SETBP1: variants seen among roughly 807,000 people sequenced by gnomAD.
SETBP1 encodes SET-binding protein.
A neutral mutation model predicts 101.0 loss-of-function variants in SETBP1; 9 were observed. The observed-to-expected ratio is 0.09, with a 90% confidence interval of 0.05 to 0.16. The LOEUF is 0.16. SETBP1 is among the 10% of genes least tolerant of loss of function. The pLI, the probability that SETBP1 is intolerant of heterozygous loss-of-function variation, is 1.00. For synonymous variants in SETBP1, 818 were observed against 788.5 expected (o/e 1.04, Z -0.63); for missense variants, 1,858 against 2,033.8 (o/e 0.91, Z 1.66).
intron 2 of SETBP1, among the ~76,000 whole-genome samples, chr18:44,846,273 G>A (rs1458939289): frequency 6.6e-6 from 1 of 152,156 alleles, no homozygotes; most frequent in Non-Finnish European, 1.5e-5. Flanking sequence ...CTTTTCTTGA[G>A]ATATAATTCA....
At chr18:44,711,315 A>G (rs2069335911) in intron 2 of SETBP1, among the ~76,000 whole-genome samples, 1 of 131,174 alleles carries the variant, frequency 7.6e-6, no homozygotes, top group African/African-American at 3.0e-5. Flanking sequence ...CTGTGGGTAA[A>G]CTCCAGCACT....
At chr18:45,002,499 T>C (rs925649300) in intron 4 of SETBP1, among the ~76,000 whole-genome samples, 9 of 152,158 alleles carry the variant, frequency 5.9e-5, no homozygotes, top group Admixed American at 1.3e-4. Flanking sequence ...GTATTAATGG[T>C]GGCCAGGAAT....
Position 44,950,581 on chromosome 18 carries a change from C to A in SETBP1, c.1241C>A (p.Thr414Asn). The A allele has an allele frequency of 6.2e-7, 1 of 1,614,006 alleles. No individual in the cohort carries two copies. Among genetic ancestry groups the A allele is most frequent in the Non-Finnish European group, 8.5e-7 (1 of 1,180,030 alleles). The change falls in exon 4 of 6, where the codon ACC (threonine) becomes AAC (asparagine). Residue 414 changes from threonine to asparagine, a missense_variant. Around this residue, in one of 12 missense-constraint regions of SETBP1, gnomAD observed 581 missense variants for 535.1 expected, o/e 1.09. Coordinates refer to ENST00000649279, the MANE Select transcript of SETBP1 (RefSeq NM_015559.3). ...IPIKAPSLDPTNHKRKKRQSI... is the reference protein window; with the variant it reads ...IPIKAPSLDPNNHKRKKRQSI... ...ATCAAGGCACCCTCTCTGGATCCAA[C>A]CAACCATAAGAGGAAAAAAAGACAG... is the stretch of plus-strand genomic sequence containing the variant.
intron 2 of SETBP1, among the ~76,000 whole-genome samples, chr18:44,783,754 A>G: frequency 6.6e-6 from 1 of 152,208 alleles, no homozygotes; most frequent in East Asian, 1.9e-4. Flanking sequence ...GCAGAACATG[A>G]GGCCTGGAGA....
chr18:44,894,016 G>C (rs1237819842), intron 3 of SETBP1, among the ~76,000 whole-genome samples: 2 of 152,136 alleles, frequency 1.3e-5, no homozygotes, highest in Non-Finnish European at 2.9e-5. Context: ...TCTGCAGCCA[G>C]TAAGAGCACA....
chr18:45,039,303 A>G (rs1162225341), intron 5 of SETBP1, among the ~76,000 whole-genome samples: 1 of 151,876 alleles, frequency 6.6e-6, no homozygotes, highest in East Asian at 1.9e-4. Flanking sequence ...GGTCCTTTCC[A>G]CCTCTGTTCC....
intron 2 of SETBP1, among the ~76,000 whole-genome samples, chr18:44,771,824 G>A (rs1433996863): frequency 6.6e-6 from 1 of 152,218 alleles, no homozygotes; most frequent in East Asian, 1.9e-4. Flanking sequence ...GGCTGGCTGG[G>A]AAGGGAATGG....
At chr18:44,994,633 C>A (rs570499701) in intron 4 of SETBP1, among the ~76,000 whole-genome samples, 141 of 152,258 alleles carry the variant, frequency 9.3e-4, no homozygotes, top group Non-Finnish European at 1.8e-3. Flanking sequence ...ACACTGGACA[C>A]AACTTGGTTG....
chr18:44,946,643 G>A (rs2071214004), intron 3 of SETBP1, among the ~76,000 whole-genome samples: 1 of 152,176 alleles, frequency 6.6e-6, no homozygotes, highest in Non-Finnish European at 1.5e-5. Flanking sequence ...TGTCTTTTGT[G>A]TGCAGCTGTA....
Position 44,951,473 on chromosome 18 carries a change from G to A in SETBP1, c.2133G>A (p.Lys711=). Reference sequence around the variant, plus strand: ...CAGCCATTGAAAGCAAACTGGGCAAGCAGATTAATGTCAGCAAGAGGGGAA... The same window carrying A: ...CAGCCATTGAAAGCAAACTGGGCAAACAGATTAATGTCAGCAAGAGGGGAA... ...GAAAIESKLG[K]QINVSKRGTI... The change falls in exon 4 of 6, where the codon AAG becomes AAA. Residue 711 remains lysine (K), a synonymous_variant. Coordinates refer to ENST00000649279, the MANE Select transcript of SETBP1 (RefSeq NM_015559.3). The surrounding 1 kb of genome is among the most constrained non-coding windows in gnomAD (Gnocchi z 7.8). 1 of 1,614,158 alleles carries A rather than the reference G, an allele frequency of 6.2e-7. No homozygotes were observed. The highest frequency in any genetic ancestry group is 8.5e-7 in the Non-Finnish European group (1 of 1,180,030).
At chr18:44,733,923 G>A (rs2069899102) in intron 2 of SETBP1, among the ~76,000 whole-genome samples, 1 of 152,142 alleles carries the variant, frequency 6.6e-6, no homozygotes, top group Non-Finnish European at 1.5e-5. Flanking sequence ...CCACAGATGT[G>A]TGGCTGAGAC....
intron 3 of SETBP1, among the ~76,000 whole-genome samples, chr18:44,949,633 T>G (rs2071288311): frequency 6.6e-6 from 1 of 152,214 alleles, no homozygotes; most frequent in Non-Finnish European, 1.5e-5. Context: ...TTCCTGTTAT[T>G]TAGGGATAAA....
intron 4 of SETBP1, among the ~76,000 whole-genome samples, chr18:44,996,195 G>C (rs778962627): frequency 2.4e-4 from 36 of 152,262 alleles, no homozygotes; most frequent in Non-Finnish European, 4.0e-4. Flanking sequence ...AGGCTGCAGA[G>C]AATACATGTT....
At chr18:44,823,103 G>C (rs1192234735) in intron 2 of SETBP1, among the ~76,000 whole-genome samples, 1 of 152,164 alleles carries the variant, frequency 6.6e-6, no homozygotes, top group African/African-American at 2.4e-5. Context: ...TGCACTCCAG[G>C]CTAGGCGATA....
intron 2 of SETBP1, among the ~76,000 whole-genome samples, chr18:44,750,679 C>T (rs1318654083): frequency 6.6e-6 from 1 of 152,210 alleles, no homozygotes; most frequent in Non-Finnish European, 1.5e-5. Flanking sequence ...CACCACCAGA[C>T]TTCTTCCGGG....
intron 5 of SETBP1, among the ~76,000 whole-genome samples, chr18:45,046,023 T>C (rs1416887033): frequency 6.6e-6 from 1 of 151,722 alleles, no homozygotes; most frequent in Non-Finnish European, 1.5e-5. Context: ...AACCACAAGG[T>C]CAAGTTGAAT....
chr18:45,019,973 T>C (rs1436708695), intron 4 of SETBP1, among the ~76,000 whole-genome samples: 1 of 152,162 alleles, frequency 6.6e-6, no homozygotes, highest in Non-Finnish European at 1.5e-5. Context: ...TAACATTTAG[T>C]TGTGAGACCT....
chr18:45,005,431 A>G (rs1398931346), intron 4 of SETBP1, among the ~76,000 whole-genome samples: 1 of 152,128 alleles, frequency 6.6e-6, no homozygotes, highest in African/African-American at 2.4e-5. Context: ...TAAAATTGGG[A>G]AAGAATTTCT....
At position 44,711,476 on chromosome 18, in the gene SETBP1, TCTCC is replaced by T. The variant is rs530792582; in HGVS notation, c.486+9657_486+9660del. 1.7e-3 allele frequency among the ~76,000 whole-genome samples: 217 copies of T among 130,430 alleles called. 1 individual carries two copies. The highest frequency in any genetic ancestry group is 1.6e-3 in the Non-Finnish European group (100 of 61,014). The allele number at this position is 130,430 out of a possible 152,430, so 85.6% of individuals were successfully genotyped here. A position where few individuals can be genotyped will look rare whatever the true frequency, so the allele number is the denominator to read the frequency against. On this transcript the variant is annotated intron_variant, in intron 2 of 5. Transcript: ENST00000649279. ...TCTTCCTCTCCTTCCTTCCTTCCTT[TCTCC>T]CTCCCTCCCTCCTTCCCTCTCTCCC...
Sources: gnomAD v4.1 joint callset for allele counts (sites outside exome capture counted in the v4.1 genomes callset) on GRCh38, gnomAD v4.1.1 for gene constraint, gnomAD v4.1.1 regional missense constraint, Gnocchi (gnomAD v3.1) non-coding constraint, MANE v1.5 for transcripts, NCBI Gene and HGNC (gene_info 2026-07-23, HGNC 2026-07-21) for gene names.